PIGU: variants seen among roughly 807,000 people sequenced by gnomAD.
PIGU encodes the protein GPI-anchor transamidase component PIGU.
A neutral mutation model predicts 49.9 loss-of-function variants in PIGU; 24 were observed. The ratio of observed to expected loss-of-function variants is 0.48; its 90% CI spans 0.35 to 0.68. The LOEUF is 0.68. Among genes scored for constraint, PIGU ranks in the 30% least tolerant of loss-of-function variants. PIGU has a pLI of 0.01. For synonymous variants in PIGU, 220 were observed against 205.7 expected (o/e 1.07, Z -0.59); for missense variants, 490 against 532.6 (o/e 0.92, Z 0.79).
At chr20:34,640,140 G>A (rs1158007599) in intron 4 of PIGU, among the ~76,000 whole-genome samples, 1 of 152,218 alleles carries the variant, frequency 6.6e-6, no homozygotes, top group East Asian at 1.9e-4. Context: ...GGGCTGCACT[G>A]AGAGAAAGTG....
At position 34,585,566 on chromosome 20, in the gene PIGU, T is replaced by C. The variant is rs1389468393; in HGVS notation, c.797A>G (p.Asp266Gly). 1.2e-6 allele frequency: 2 copies of C among 1,613,164 alleles called. No individual in the cohort carries two copies. The highest frequency in any genetic ancestry group is 1.7e-6 in the Non-Finnish European group (2 of 1,179,594). The change falls in exon 9 of 12, where the codon GAT becomes GGT. Residue 266 changes from aspartate to glycine, a missense_variant. Physicochemically the swap from Asp to Gly is moderately conservative, Grantham distance 94 (BLOSUM62 -1). Coordinates refer to ENST00000217446, the MANE Select transcript of PIGU (RefSeq NM_080476.5). The stretch of plus-strand genomic sequence containing the variant: ...GAAAAGACCAATGTTTGGAGTGAGA[T>C]CTGGAACAGAAAGTCTGGAATTAAG... The part of the protein sequence containing the change: ...AVYGFILSVP[D>G]LTPNIGLFWY...
chr20:34,607,241 C>G (rs1984650622), intron 7 of PIGU, among the ~76,000 whole-genome samples: 1 of 152,158 alleles, frequency 6.6e-6, no homozygotes, highest in Non-Finnish European at 1.5e-5. Flanking sequence ...TGGCGACGGC[C>G]CCACCCTCAA....
At chr20:34,657,282 AG>A in intron 1 of PIGU, 38 bp from the exon 2 acceptor site, 2 of 1,523,078 alleles carry the variant, frequency 1.3e-6, no homozygotes, top group Non-Finnish European at 1.8e-6. Context: ...CAGACTAAGC[AG>A]GCAGCTACAG....
intron 5 of PIGU, among the ~76,000 whole-genome samples, chr20:34,636,094 G>C (rs1346658460): frequency 1.3e-5 from 2 of 152,012 alleles, no homozygotes; most frequent in Non-Finnish European, 2.9e-5. Flanking sequence ...CCAGATACTT[G>C]GGAGGCTGAG....
intron 2 of PIGU, among the ~76,000 whole-genome samples, 190 bp from the exon 3 acceptor site, chr20:34,645,524 C>T (rs1024483213): frequency 6.6e-6 from 1 of 152,218 alleles, no homozygotes; most frequent in Admixed American, 6.6e-5. Context: ...ACTGCCGGAC[C>T]ATTTTGTGCT....
At chr20:34,579,319 C>T (rs1374096404) in intron 10 of PIGU, 1 of 152,154 alleles carries the variant, frequency 6.6e-6, no homozygotes, top group Non-Finnish European at 1.5e-5. Flanking sequence ...GTCTGTATGA[C>T]TCATCCAAGC....
chr20:34,588,942 T>C (rs944959000), intron 7 of PIGU, among the ~76,000 whole-genome samples: 2 of 152,204 alleles, frequency 1.3e-5, no homozygotes, highest in African/African-American at 2.4e-5. Context: ...TATTGACATA[T>C]GGTATACTAT....
chr20:34,602,897 C>G (rs1172379006), intron 7 of PIGU, among the ~76,000 whole-genome samples: 1 of 152,158 alleles, frequency 6.6e-6, no homozygotes, highest in African/African-American at 2.4e-5. Context: ...TAATCACTTC[C>G]TTGCATTTCT....
chr20:34,581,593 C>A lies in PIGU; in HGVS notation c.1006G>T (p.Ala336Ser). Reference protein sequence around the residue: ...FKSYPTVGDVALYMAFFPVWN... With the variant: ...FKSYPTVGDVSLYMAFFPVWN... ...ACGGGGAAGAAGGCCATGTAGAGCGCCACGTCCCCCACTGTCGGGTAGGAC... is the reference window on the plus strand; with the variant it reads ...ACGGGGAAGAAGGCCATGTAGAGCGACACGTCCCCCACTGTCGGGTAGGAC... Residue 336 changes from alanine (A) to serine (S), a missense_variant, in exon 10 of 12, where the codon GCG (alanine) becomes TCG (serine). Coordinates refer to ENST00000217446, the MANE Select transcript of PIGU (RefSeq NM_080476.5). The A allele has an allele frequency of 1.9e-6, 3 of 1,613,982 alleles. No individual in the cohort carries two copies.
At chr20:34,577,694 C>G (rs548031861) in intron 10 of PIGU, among the ~76,000 whole-genome samples, 1 of 152,294 alleles carries the variant, frequency 6.6e-6, no homozygotes, top group Admixed American at 6.5e-5. Flanking sequence ...CCAGCCTGAG[C>G]AACAGAGCAA....
intron 7 of PIGU, among the ~76,000 whole-genome samples, chr20:34,607,701 G>A (rs1984668284): frequency 6.6e-6 from 1 of 152,218 alleles, no homozygotes; most frequent in Admixed American, 6.5e-5. Flanking sequence ...AAAGCTGAAA[G>A]AGCACAGTGT....
intron 10 of PIGU, among the ~76,000 whole-genome samples, chr20:34,577,846 A>G (rs1983301180): frequency 6.6e-6 from 1 of 152,202 alleles, no homozygotes; most frequent in Non-Finnish European, 1.5e-5. Flanking sequence ...TAATTCCAAT[A>G]TGCAGTCGAG....
At chr20:34,569,636 G>A (rs1233057470) in intron 11 of PIGU, among the ~76,000 whole-genome samples, 1 of 152,212 alleles carries the variant, frequency 6.6e-6, no homozygotes, top group East Asian at 1.9e-4. Context: ...TGGGATACAA[G>A]GGTAAGGGGG....
intron 11 of PIGU, among the ~76,000 whole-genome samples, chr20:34,565,724 CACACACACACAG>C (rs1221097016): frequency 6.6e-6 from 1 of 151,550 alleles, no homozygotes; most frequent in Non-Finnish European, 1.5e-5. Flanking sequence ...CACACACACA[CACACACACACAG>C]GTGCACACAC....
intron 11 of PIGU, among the ~76,000 whole-genome samples, chr20:34,566,423 G>A (rs1029430178): frequency 1.3e-5 from 2 of 152,204 alleles, no homozygotes; most frequent in African/African-American, 2.4e-5. Flanking sequence ...AGGGCTCCAG[G>A]GCCGCCTCCC....
chr20:34,627,726 C>T (rs1985546770), intron 6 of PIGU, among the ~76,000 whole-genome samples: 3 of 152,084 alleles, frequency 2.0e-5, no homozygotes, highest in African/African-American at 7.2e-5. Flanking sequence ...TCCCTTCTGC[C>T]AGGCTGCTGC....
chr20:34,674,584 T>A (rs1987431376), intron 1 of PIGU, among the ~76,000 whole-genome samples: 1 of 151,926 alleles, frequency 6.6e-6, no homozygotes, highest in South Asian at 2.1e-4. Context: ...ATGCCAGACA[T>A]AAAAGAATTC....
At chr20:34,645,592 A>G (rs1159470006) in intron 2 of PIGU, among the ~76,000 whole-genome samples, 1 of 152,166 alleles carries the variant, frequency 6.6e-6, no homozygotes, top group Non-Finnish European at 1.5e-5. Context: ...TTAAATAACC[A>G]TTAAAGAATA....
chr20:34,644,905 G>A (rs2146771063), intron 3 of PIGU, among the ~76,000 whole-genome samples: 1 of 152,274 alleles, frequency 6.6e-6, no homozygotes, highest in East Asian at 1.9e-4. Flanking sequence ...AAAAGAGTAA[G>A]TATTTGGAAC....
Sources: gnomAD v4.1 joint callset for allele counts (sites outside exome capture counted in the v4.1 genomes callset) on GRCh38, gnomAD v4.1.1 for gene constraint, MANE v1.5 for transcripts, NCBI Gene and HGNC (gene_info 2026-07-23, HGNC 2026-07-21) for gene names.